GAB2: variants seen among roughly 807,000 people sequenced by gnomAD.
GAB2 encodes GRB2 associated binding protein 2.
Under a neutral mutation model 65.5 loss-of-function variants are expected in GAB2, and 26 were observed. That is an observed-to-expected ratio of 0.40 (90% CI 0.29 to 0.55). GAB2 has a LOEUF of 0.55. Ranked by LOEUF, GAB2 falls within the 20% of genes least tolerant of loss-of-function variation. GAB2 has a pLI of 0.53. For synonymous variants in GAB2, 321 were observed against 329.6 expected, an observed-to-expected ratio of 0.97 and a Z score of 0.28; for missense variants, 884 against 875.8, an observed-to-expected ratio of 1.01 and a Z score of -0.12.
chr11:78,310,736 C>T (rs965031904), intron 1 of GAB2, among the ~76,000 whole-genome samples: 5 of 152,134 alleles, frequency 3.3e-5, no homozygotes, highest in African/African-American at 4.8e-5. Context: ...TGTTCCAGCG[C>T]CACTGTCCTT....
chr11:78,259,116 CAT>C (rs1173852572), intron 2 of GAB2, among the ~76,000 whole-genome samples: 1 of 152,082 alleles, frequency 6.6e-6, no homozygotes, highest in African/African-American at 2.4e-5. Flanking sequence ...TAAGTGAGAA[CAT>C]GTGGTATTTG....
chr11:78,357,676 A>C lies in GAB2; in HGVS notation c.75+59970T>G, dbSNP rs188904955. Among the ~76,000 whole-genome samples the C allele has an allele frequency of 4.0e-3, 609 of 152,366 alleles. 9 individuals carry two copies. The highest frequency in any genetic ancestry group is 8.7e-4 in the Non-Finnish European group (59 of 68,038). On this transcript the variant is annotated intron_variant, in intron 1 of 9. Transcript: ENST00000361507. Reference sequence around the variant, plus strand: ...GACACTTCTCAAAAGACATTTATGCAGCCAACAGACACATGAAAAAATGCT... The same window carrying C: ...GACACTTCTCAAAAGACATTTATGCCGCCAACAGACACATGAAAAAATGCT...
At chr11:78,321,421 C>A (rs1473244801) in intron 1 of GAB2, among the ~76,000 whole-genome samples, 2 of 152,168 alleles carry the variant, frequency 1.3e-5, no homozygotes, top group East Asian at 3.8e-4. Flanking sequence ...TGAATTACCT[C>A]TTTACTATAG....
At chr11:78,417,527 G>C in intron 1 of GAB2, 119 bp downstream of exon 1, 272 of 208,006 alleles carry the variant, frequency 1.3e-3, no homozygotes, top group Middle Eastern at 0.011. Context: ...CCTCGCCCCC[G>C]GCCCCCCGCG....
chr11:78,235,254 G>A lies in GAB2; in HGVS notation c.621-8203C>T, dbSNP rs190021451. Among the ~76,000 whole-genome samples the A allele has an allele frequency of 3.0e-3, 455 of 151,874 alleles. 2 individuals carry two copies. The highest frequency in any genetic ancestry group is 0.01 in the African/African-American group (420 of 41,458). On this transcript the variant is annotated intron_variant, in intron 3 of 9. Coordinates refer to ENST00000361507, the MANE Select transcript of GAB2 (RefSeq NM_080491.3). ...TGCAAGCTCCGCCTCCCGGGTTCACGCCATTCTCCTGCCTCAGTCTCCCGA... is the reference window on the plus strand; with the variant it reads ...TGCAAGCTCCGCCTCCCGGGTTCACACCATTCTCCTGCCTCAGTCTCCCGA...
intron 1 of GAB2, among the ~76,000 whole-genome samples, chr11:78,315,080 C>G (rs1855573596): frequency 6.6e-6 from 1 of 152,144 alleles, no homozygotes; most frequent in African/African-American, 2.4e-5. Flanking sequence ...TCAGAAGAGA[C>G]AGCAAACTGA....
intron 1 of GAB2, among the ~76,000 whole-genome samples, chr11:78,368,807 C>T (rs56209105): frequency 0.024 from 3,595 of 152,014 alleles, 144 homozygotes; most frequent in African/African-American, 0.082. Flanking sequence ...CCAGGCATGG[C>T]GGCTCATGCC....
intron 3 of GAB2, among the ~76,000 whole-genome samples, chr11:78,245,955 T>C (rs1865285179): frequency 6.6e-6 from 1 of 151,832 alleles, no homozygotes; most frequent in South Asian, 2.1e-4. Context: ...TTTTTCTTTT[T>C]TTTTTTTGAG....
chr11:78,367,302 G>A (rs2134723771), intron 1 of GAB2, among the ~76,000 whole-genome samples: 1 of 152,310 alleles, frequency 6.6e-6, no homozygotes, highest in African/African-American at 2.4e-5. Context: ...CCTTCGAAGG[G>A]CATATGGTCT....
At chr11:78,378,299 T>C (rs1388191810) in intron 1 of GAB2, among the ~76,000 whole-genome samples, 1 of 152,196 alleles carries the variant, frequency 6.6e-6, no homozygotes, top group East Asian at 1.9e-4. Flanking sequence ...TGAGCGCCCT[T>C]GGGCCATTAA....
At chr11:78,302,708 C>CA (rs1867063274) in intron 1 of GAB2, among the ~76,000 whole-genome samples, 2 of 152,102 alleles carry the variant, frequency 1.3e-5, no homozygotes, top group Non-Finnish European at 2.9e-5. Flanking sequence ...AGCCATTATA[C>CA]AAAAAAGATA....
intron 2 of GAB2, among the ~76,000 whole-genome samples, chr11:78,263,636 G>GA (rs61518720): frequency 0.059 from 7,628 of 129,118 alleles, 267 homozygotes; most frequent in African/African-American, 0.11. Context: ...CTGTCTGGGG[G>GA]AAAAAAAAAA....
intron 7 of GAB2, 143 bp downstream of exon 7, chr11:78,221,962 G>A (rs1277984538): frequency 1.4e-6 from 1 of 704,314 alleles, no homozygotes; most frequent in East Asian, 2.6e-5. Context: ...AGGAAACCAA[G>A]CCACAAGACA....
rs749482196 is a variant in GAB2, at chr11:78,223,518, G to A, written c.1461C>T (p.Asp487=). Residue 487 remains aspartate, a synonymous_variant, in exon 6 of 10, where the codon GAC becomes GAT. Transcript: ENST00000361507. ...GGGTTGTTGATGGGTAGCCAAGTGA[G>A]TCAAAGTGATGGGCCCCTGGGCTCA... The part of the protein sequence containing the change: ...IPMSPGAHHF[D]SLGYPSTTLP... 42 of 1,613,032 alleles carry A rather than the reference G, an allele frequency of 2.6e-5. No individual in the cohort carries two copies. Among genetic ancestry groups the A allele is most frequent in the Non-Finnish European group, 3.6e-5 (42 of 1,179,510 alleles).
chr11:78,238,206 C>CAAAAAAAAAAAAA (rs10541492), intron 3 of GAB2, among the ~76,000 whole-genome samples: 8 of 104,796 alleles, frequency 7.6e-5, no homozygotes, highest in Middle Eastern at 6.4e-3. Context: ...AGGGAAGAAA[C>CAAAAAAAAAAAAA]AAAAAAAAAA....
intron 1 of GAB2, among the ~76,000 whole-genome samples, chr11:78,291,294 C>CAAAAAAAAAAAAA (rs397848614): frequency 4.8e-5 from 5 of 103,894 alleles, no homozygotes; most frequent in African/African-American, 7.7e-5. Context: ...ACTAAAACGA[C>CAAAAAAAAAAAAA]AAAAAAAAAA....
intron 1 of GAB2, among the ~76,000 whole-genome samples, chr11:78,376,079 G>A (rs1244082937): frequency 6.6e-6 from 1 of 152,210 alleles, no homozygotes; most frequent in Non-Finnish European, 1.5e-5. Context: ...AAATATGGGG[G>A]AAATGTTAAT....
chr11:78,347,221 T>A (rs1400022808), intron 1 of GAB2, among the ~76,000 whole-genome samples: 2 of 152,160 alleles, frequency 1.3e-5, no homozygotes, highest in Admixed American at 6.6e-5. Flanking sequence ...AATGGCTTGA[T>A]ATGAAACCCC....
intron 2 of GAB2, among the ~76,000 whole-genome samples, chr11:78,274,333 C>T (rs1424487477): frequency 2.6e-5 from 4 of 152,162 alleles, no homozygotes; most frequent in Non-Finnish European, 5.9e-5. Flanking sequence ...GAGGGAGTAT[C>T]TGCTTGAAAG....
Sources: gnomAD v4.1 joint callset for allele counts (sites outside exome capture counted in the v4.1 genomes callset) on GRCh38, gnomAD v4.1.1 for gene constraint, MANE v1.5 for transcripts, NCBI Gene and HGNC (gene_info 2026-07-23, HGNC 2026-07-21) for gene names.